Variants in WLS observed in about 807,000 individuals in gnomAD.
The protein encoded by WLS is Wnt ligand secretion mediator.
WLS carries 23 observed loss-of-function variants against 62.8 expected under a neutral mutation model. The observed-to-expected ratio is 0.37, with a 90% CI of 0.26 to 0.52. The LOEUF (loss-of-function observed/expected upper bound fraction) is 0.52, where lower values mean the gene tolerates loss of function less well. WLS is among the 20% of genes least tolerant of loss of function. The pLI, the probability that WLS is intolerant of heterozygous loss-of-function variation, is 0.92. For missense variants in WLS, 615 were observed against 697.3 expected (o/e 0.88, Z 1.33); for synonymous variants, 246 against 244.1 (o/e 1.01, Z -0.07).
chr1:68,171,995 G>T (rs543680182), intron 2 of WLS, among the ~76,000 whole-genome samples: 2 of 152,290 alleles, frequency 1.3e-5, no homozygotes, highest in South Asian at 4.1e-4. Flanking sequence ...AACAAAGGAT[G>T]AGTTCATGTC....
Position 68,227,515 on chromosome 1 carries a change from T to TACTCTTTTAAAAAAGAGTAATTGAAA in WLS, c.106+4653_106+4678dup, listed in dbSNP as rs1328181257. Among the ~76,000 whole-genome samples the TACTCTTTTAAAAAAGAGTAATTGAAA allele has an allele frequency of 1.6e-3, 248 of 152,174 alleles. 3 individuals carry two copies. Among genetic ancestry groups the TACTCTTTTAAAAAAGAGTAATTGAAA allele is most frequent in the Middle Eastern group, 3.4e-3 (1 of 294 alleles). On this transcript the variant is annotated intron_variant, in intron 1 of 11. Transcript: ENST00000262348. ...TTAAGTCAAATATTGTAATTTCAATTACTCTTTTAAAAAAGAGTAATTGAA... is the reference window on the plus strand; with the variant it reads ...TTAAGTCAAATATTGTAATTTCAATTACTCTTTTAAAAAAGAGTAATTGAAAACTCTTTTAAAAAAGAGTAATTGAA...
intron 6 of WLS, among the ~76,000 whole-genome samples, chr1:68,149,042 A>G (rs1646790787): frequency 6.6e-6 from 1 of 152,248 alleles, no homozygotes; most frequent in Non-Finnish European, 1.5e-5. Context: ...GATCCTCAGA[A>G]GACAAAGTAA....
chr1:68,146,604 G>C (rs1646755758), intron 8 of WLS, among the ~76,000 whole-genome samples: 1 of 152,220 alleles, frequency 6.6e-6, no homozygotes, highest in Non-Finnish European at 1.5e-5. Context: ...GCTCAGTGCA[G>C]GGGACCTGGG....
chr1:68,202,685 C>A (rs537535976), intron 1 of WLS: 1 of 152,174 alleles, frequency 6.6e-6, no homozygotes, highest in Admixed American at 6.5e-5. Context: ...AAATCAGCAA[C>A]CTTTCAGCCA....
At chr1:68,105,920 A>G (rs532126642) in intron 11 of WLS, among the ~76,000 whole-genome samples, 1 of 152,284 alleles carries the variant, frequency 6.6e-6, no homozygotes, top group East Asian at 1.9e-4. Flanking sequence ...AGGATATGGG[A>G]TTGGTGTAAG....
intron 2 of WLS, among the ~76,000 whole-genome samples, chr1:68,167,138 G>GA (rs1647071418): frequency 1.3e-5 from 2 of 152,194 alleles, no homozygotes; most frequent in African/African-American, 4.8e-5. Context: ...GTTACTGCAT[G>GA]AAAAATGCTC....
chr1:68,118,719 CA>C (rs942853103), intron 11 of WLS, among the ~76,000 whole-genome samples: 1 of 151,182 alleles, frequency 6.6e-6, no homozygotes, highest in Non-Finnish European at 1.5e-5. Context: ...ACTAAAAATA[CA>C]AAAAATTAGC....
chr1:68,107,944 C>A (rs1016794016), intron 11 of WLS, among the ~76,000 whole-genome samples: 2 of 152,122 alleles, frequency 1.3e-5, no homozygotes, highest in African/African-American at 4.8e-5. Flanking sequence ...CTAGAGCCTT[C>A]CAGACCCAGC....
chr1:68,209,578 A>G (rs1374361743), intron 1 of WLS, among the ~76,000 whole-genome samples: 1 of 152,182 alleles, frequency 6.6e-6, no homozygotes, highest in Non-Finnish European at 1.5e-5. Context: ...CGGGAGTTTG[A>G]GACCAGCCTG....
chr1:68,152,513 A>G lies in WLS; in HGVS notation c.803+1004T>C, dbSNP rs373872720. Among the ~76,000 whole-genome samples the G allele has an allele frequency of 7.0e-4, 106 of 152,316 alleles. 1 individual carries two copies. The highest frequency in any genetic ancestry group is 6.8e-3 in the Middle Eastern group (2 of 294). On this transcript the variant is annotated intron_variant, in intron 5 of 11. Coordinates refer to ENST00000262348, the MANE Select transcript of WLS (RefSeq NM_024911.7). Reference sequence around the variant, plus strand: ...AGACTCTGGGAAGAAAAACTGATCAATTATGTCAGATGCTGGGATGAATAA... The same window carrying G: ...AGACTCTGGGAAGAAAAACTGATCAGTTATGTCAGATGCTGGGATGAATAA...
At position 68,126,330 on chromosome 1, in the gene WLS, G is replaced by A. The variant is rs1246638865; in HGVS notation, c.1522C>T (p.Leu508=). Residue 508 remains leucine (L), a synonymous_variant, in exon 12 of 12, where the codon CTG becomes TTG. Transcript: ENST00000262348. ...AGTTCTTCCCCACTATGGACACCCA[G>A]ATCGCCTGAAACAGGGTTTTCGGTG... is the stretch of plus-strand genomic sequence containing the variant. The part of the protein sequence containing the change: ...NYGEDQSNGD[L]GVHSGEELQL... The A allele has an allele frequency of 1.2e-6, 2 of 1,614,064 alleles. No individual in the cohort carries two copies. The highest frequency in any genetic ancestry group is 1.7e-6 in the Non-Finnish European group (2 of 1,180,024).
intron 11 of WLS, among the ~76,000 whole-genome samples, chr1:68,101,307 T>TATC (rs1431951634): frequency 2.2e-5 from 3 of 135,238 alleles, no homozygotes; most frequent in South Asian, 2.1e-4. Flanking sequence ...TCATATTTGC[T>TATC]ATTATTATTA....
intron 2 of WLS, among the ~76,000 whole-genome samples, chr1:68,171,757 A>G (rs1202116380): frequency 6.6e-6 from 1 of 152,236 alleles, no homozygotes; most frequent in Non-Finnish European, 1.5e-5. Flanking sequence ...CAGTGTGGCG[A>G]TTCCTCAAGG....
At chr1:68,189,120 C>T (rs1472121757) in intron 2 of WLS, among the ~76,000 whole-genome samples, 1 of 152,144 alleles carries the variant, frequency 6.6e-6, no homozygotes, top group East Asian at 1.9e-4. Context: ...CCCCTCTGTC[C>T]AGCATCTCCC....
At chr1:68,163,847 A>G (rs930145) in intron 2 of WLS, among the ~76,000 whole-genome samples, 30,794 of 152,130 alleles carry the variant, frequency 0.2, 3,457 homozygotes, top group East Asian at 0.37. Flanking sequence ...ATGCTGCCTC[A>G]TATGCAGTAG....
At chr1:68,206,719 A>C (rs1330466027) in intron 1 of WLS, among the ~76,000 whole-genome samples, 2 of 152,208 alleles carry the variant, frequency 1.3e-5, no homozygotes, top group African/African-American at 4.8e-5. Flanking sequence ...TAATCAGGCA[A>C]ATTATTCAAT....
At chr1:68,200,154 G>A (rs1438211266) in intron 1 of WLS, among the ~76,000 whole-genome samples, 1 of 152,094 alleles carries the variant, frequency 6.6e-6, no homozygotes, top group African/African-American at 2.4e-5. Flanking sequence ...AAATGTTTTA[G>A]AGAATTTTAT....
intron 7 of WLS, 96 bp from the exon 8 acceptor site, chr1:68,148,295 G>T: frequency 7.7e-7 from 1 of 1,302,890 alleles, no homozygotes; most frequent in Non-Finnish European, 1.1e-6. Context: ...AGCTGCAGGG[G>T]TGAGGGCTGT....
chr1:68,098,650 G>C, exon 12 of WLS: 1 of 1,613,860 alleles, frequency 6.2e-7, no homozygotes, highest in Non-Finnish European at 8.5e-7. Flanking sequence ...CAGAAGCTGC[G>C]TTGTCATTGA....
Sources: gnomAD v4.1 joint callset for allele counts (sites outside exome capture counted in the v4.1 genomes callset) on GRCh38, gnomAD v4.1.1 for gene constraint, MANE v1.5 for transcripts, NCBI Gene and HGNC (gene_info 2026-07-23, HGNC 2026-07-21) for gene names.